Variants in CDKAL1 observed in about 807,000 individuals in gnomAD.
CDKAL1 encodes the protein CDKAL1 threonylcarbamoyladenosine tRNA methylthiotransferase, also known as threonylcarbamoyladenosine tRNA methylthiotransferase.
Under a neutral mutation model 68.2 loss-of-function variants are expected in CDKAL1, and 32 were observed. That is an observed-to-expected ratio of 0.47 (90% CI 0.35 to 0.63). CDKAL1 has a LOEUF of 0.63. Ranked by LOEUF, CDKAL1 falls within the 30% of genes least tolerant of loss-of-function variation. The pLI is 0.00. For missense variants in CDKAL1, 606 were observed against 696.7 expected (o/e 0.87, Z 1.47); for synonymous variants, 234 against 244.3 (o/e 0.96, Z 0.39).
intron 9 of CDKAL1, among the ~76,000 whole-genome samples, chr6:20,952,434 ACCAC>A (rs2150721422): frequency 6.6e-6 from 1 of 152,182 alleles, no homozygotes; most frequent in South Asian, 2.1e-4. Context: ...TTGTATCCCC[ACCAC>A]CAATAGGGAT....
intron 12 of CDKAL1, among the ~76,000 whole-genome samples, chr6:21,104,039 G>GTT (rs760753681): frequency 2.6e-5 from 4 of 152,166 alleles, no homozygotes; most frequent in Non-Finnish European, 4.4e-5. Context: ...TAATGGCCGT[G>GTT]TTTTAGTTAC....
intron 9 of CDKAL1, among the ~76,000 whole-genome samples, chr6:20,880,885 A>T (rs905744065): frequency 9.9e-5 from 15 of 152,154 alleles, no homozygotes; most frequent in African/African-American, 3.4e-4. Flanking sequence ...AAATTTACAG[A>T]TGGCTTGAAT....
At chr6:20,853,386 CAAAACAAAAA>C (rs1759128031) in intron 9 of CDKAL1, among the ~76,000 whole-genome samples, 1 of 32,484 alleles carries the variant, frequency 3.1e-5, no homozygotes. Context: ...TCTCAAAAAA[CAAAACAAAAA>C]AAAAACAAAA....
chr6:21,213,170 C>T (rs1482943349), intron 15 of CDKAL1, among the ~76,000 whole-genome samples: 2 of 152,202 alleles, frequency 1.3e-5, no homozygotes, highest in Admixed American at 6.5e-5. Flanking sequence ...TCACTGGTCA[C>T]TTACCCTCTC....
chr6:20,898,264 T>C (rs77351636), intron 9 of CDKAL1, among the ~76,000 whole-genome samples: 1,624 of 151,706 alleles, frequency 0.011, 25 homozygotes, highest in African/African-American at 0.037. Context: ...TCCCTCTAGA[T>C]ACTCTCCTGG....
chr6:20,764,803 A>G (rs1055170376), intron 7 of CDKAL1, among the ~76,000 whole-genome samples: 2 of 152,196 alleles, frequency 1.3e-5, no homozygotes, highest in African/African-American at 4.8e-5. Flanking sequence ...GCATTTCAAT[A>G]AAATAATTTT....
intron 8 of CDKAL1, among the ~76,000 whole-genome samples, chr6:20,833,262 C>G (rs566036218): frequency 1.3e-5 from 2 of 152,304 alleles, no homozygotes; most frequent in African/African-American, 4.8e-5. Flanking sequence ...GATTCCTGAA[C>G]AAAATCAGTA....
chr6:20,809,241 G>A (rs1443052695), intron 8 of CDKAL1, among the ~76,000 whole-genome samples: 1 of 152,104 alleles, frequency 6.6e-6, no homozygotes, highest in Non-Finnish European at 1.5e-5. Context: ...TCACTCACAG[G>A]GCCATTCCTT....
At chr6:21,062,745 G>T (rs375757968) in intron 11 of CDKAL1, among the ~76,000 whole-genome samples, 2 of 152,176 alleles carry the variant, frequency 1.3e-5, no homozygotes, top group Non-Finnish European at 2.9e-5. Context: ...GTTAAGTAGT[G>T]TGTGAAGAAA....
intron 2 of CDKAL1, among the ~76,000 whole-genome samples, chr6:20,540,817 C>T (rs570294161): frequency 6.6e-6 from 1 of 152,270 alleles, no homozygotes; most frequent in East Asian, 1.9e-4. Flanking sequence ...GTGGAATAGG[C>T]AGTTGAACGT....
At chr6:20,620,880 G>T (rs1217147504) in intron 4 of CDKAL1, among the ~76,000 whole-genome samples, 1 of 152,004 alleles carries the variant, frequency 6.6e-6, no homozygotes, top group Non-Finnish European at 1.5e-5. Context: ...CGGTATGTTT[G>T]TTACAATTAA....
At chr6:21,041,522 T>A (rs1769922752) in intron 11 of CDKAL1, among the ~76,000 whole-genome samples, 1 of 152,038 alleles carries the variant, frequency 6.6e-6, no homozygotes, top group Admixed American at 6.6e-5. Flanking sequence ...TCAACCAAAT[T>A]TTCAATGTAA....
chr6:21,153,681 A>G (rs6906201), intron 13 of CDKAL1, among the ~76,000 whole-genome samples: 51,400 of 152,054 alleles, frequency 0.34, 9,011 homozygotes, highest in African/African-American at 0.43. Flanking sequence ...GCAGTAGAAA[A>G]AAAATAGAGG....
chr6:21,161,872 G>A (rs1033367359), intron 13 of CDKAL1, among the ~76,000 whole-genome samples: 1 of 152,144 alleles, frequency 6.6e-6, no homozygotes, highest in African/African-American at 2.4e-5. Context: ...TCTACTAAAA[G>A]CTGCATTTAG....
At chr6:20,597,160 G>A (rs768290832) in intron 4 of CDKAL1, among the ~76,000 whole-genome samples, 50 of 151,908 alleles carry the variant, frequency 3.3e-4, no homozygotes, top group Admixed American at 5.9e-4. Flanking sequence ...ACGGAGTCTC[G>A]CTTTGTCGCC....
chr6:21,089,478 A>AG (rs1234527254), intron 12 of CDKAL1, among the ~76,000 whole-genome samples: 1 of 152,156 alleles, frequency 6.6e-6, no homozygotes, highest in Non-Finnish European at 1.5e-5. Context: ...CCCTGTCTCT[A>AG]GAAAAAAAAA....
chr6:20,630,430 G>A (rs1170538865), intron 4 of CDKAL1, among the ~76,000 whole-genome samples: 1 of 152,004 alleles, frequency 6.6e-6, no homozygotes, highest in Non-Finnish European at 1.5e-5. Context: ...TGTCTAGAAG[G>A]GTAGGGAGGT....
chr6:20,991,148 G>A (rs1326577982), intron 10 of CDKAL1, among the ~76,000 whole-genome samples: 5 of 152,316 alleles, frequency 3.3e-5, no homozygotes, highest in South Asian at 4.1e-4. Flanking sequence ...CGTTACAGCA[G>A]GGATGAAAGC....
intron 4 of CDKAL1, among the ~76,000 whole-genome samples, chr6:20,615,938 A>C (rs1361797891): frequency 4.0e-5 from 6 of 149,224 alleles, no homozygotes; most frequent in African/African-American, 1.5e-4. Context: ...TCTTTAATCC[A>C]TCTTGAATTG....
Sources: allele counts gnomAD v4.1 joint callset (sites outside exome capture counted in the v4.1 genomes callset), GRCh38; gene constraint gnomAD v4.1.1; transcripts MANE v1.5; gene names NCBI Gene and HGNC (gene_info 2026-07-23, HGNC 2026-07-21).